The following ST8SIA1 variants were observed in gnomAD, a reference collection of about 807,000 sequenced individuals.
ST8SIA1 encodes ST8 alpha-N-acetyl-neuraminide alpha-2,8-sialyltransferase 1, also known as alpha-N-acetylneuraminide alpha-2,8-sialyltransferase.
Under a neutral mutation model 35.9 loss-of-function variants are expected in ST8SIA1, and 16 were observed. The observed-to-expected ratio is 0.45, with a 90% confidence interval of 0.30 to 0.68. The LOEUF is 0.68. Ranked by LOEUF, ST8SIA1 falls within the 30% of genes least tolerant of loss-of-function variation. ST8SIA1 has a pLI of 0.09. For synonymous variants in ST8SIA1, 170 were observed against 169.6 expected, an observed-to-expected ratio of 1.00 and a Z score of -0.02; for missense variants, 383 against 453.6, an observed-to-expected ratio of 0.84 and a Z score of 1.41.
At chr12:22,250,150 A>G (rs901963377) in intron 3 of ST8SIA1, among the ~76,000 whole-genome samples, 8 of 152,154 alleles carry the variant, frequency 5.3e-5, no homozygotes, top group African/African-American at 1.7e-4. Flanking sequence ...CTTGGCCACC[A>G]TGTCTTATGA....
At chr12:22,270,396 T>C (rs1417052256) in intron 2 of ST8SIA1, among the ~76,000 whole-genome samples, 1 of 152,210 alleles carries the variant, frequency 6.6e-6, no homozygotes, top group African/African-American at 2.4e-5. Context: ...TGAGAAAATA[T>C]AACCAACCTA....
intron 1 of ST8SIA1, among the ~76,000 whole-genome samples, chr12:22,328,053 A>G (rs771547299): frequency 3.9e-5 from 6 of 152,196 alleles, no homozygotes; most frequent in Non-Finnish European, 7.3e-5. Flanking sequence ...CATTTAGTGG[A>G]CAGAGGCCAG....
intron 3 of ST8SIA1, among the ~76,000 whole-genome samples, chr12:22,254,790 C>T (rs1267980843): frequency 6.6e-6 from 1 of 152,196 alleles, no homozygotes; most frequent in African/African-American, 2.4e-5. Flanking sequence ...AAATTTACCC[C>T]TGCTCCTTTG....
intron 1 of ST8SIA1, among the ~76,000 whole-genome samples, chr12:22,301,002 C>T (rs2216231): frequency 0.12 from 18,954 of 151,984 alleles, 1,480 homozygotes; most frequent in South Asian, 0.31. Flanking sequence ...TGAGACACTC[C>T]TATCATTCTG....
intron 4 of ST8SIA1, among the ~76,000 whole-genome samples, chr12:22,219,871 G>C (rs746532905): frequency 6.6e-6 from 1 of 152,082 alleles, no homozygotes; most frequent in South Asian, 2.1e-4. Context: ...GACCCACATA[G>C]AGGAATCATT....
intron 1 of ST8SIA1, among the ~76,000 whole-genome samples, chr12:22,320,541 C>G (rs1186471353): frequency 1.3e-5 from 2 of 152,120 alleles, no homozygotes; most frequent in Non-Finnish European, 2.9e-5. Flanking sequence ...AATCTCCAAA[C>G]AAATCACCTG....
At chr12:22,254,315 C>T (rs1272914737) in intron 3 of ST8SIA1, among the ~76,000 whole-genome samples, 5 of 152,116 alleles carry the variant, frequency 3.3e-5, no homozygotes, top group Non-Finnish European at 4.4e-5. Flanking sequence ...TTGACTTTAG[C>T]TTCTTCTTAT....
chr12:22,218,122 G>A (rs1323715925), intron 4 of ST8SIA1, among the ~76,000 whole-genome samples: 8 of 151,962 alleles, frequency 5.3e-5, no homozygotes, highest in African/African-American at 1.7e-4. Flanking sequence ...CCAGGAGTTC[G>A]AGACCAGCCT....
chr12:22,330,112 T>C (rs1164339639), intron 1 of ST8SIA1, among the ~76,000 whole-genome samples: 1 of 152,220 alleles, frequency 6.6e-6, no homozygotes, highest in Non-Finnish European at 1.5e-5. Context: ...TGATCTTTGC[T>C]GTTCTCTCTG....
At chr12:22,233,176 G>A (rs1460729758) in intron 4 of ST8SIA1, among the ~76,000 whole-genome samples, 5 of 152,098 alleles carry the variant, frequency 3.3e-5, no homozygotes, top group Non-Finnish European at 7.4e-5. Context: ...TAGAATGCAG[G>A]GGTAAGTAGA....
chr12:22,197,175 T>C lies in ST8SIA1; in HGVS notation c.*4377A>G, dbSNP rs1864999217. On this transcript the variant is annotated 3_prime_UTR_variant, in exon 5 of 5. Transcript: ENST00000396037. ...CCTGACGTGTGCCCAATAAAAGTCA[T>C]ATAACCTGAGAGTCGACCTATACGA... The C allele has an allele frequency of 6.6e-6, 1 of 152,198 alleles. No homozygotes were observed. The highest frequency in any genetic ancestry group is 6.5e-5 in the Admixed American group (1 of 15,280). 9.4% of individuals were successfully genotyped at this position (152,198 alleles called of 1,614,324 possible). A position where few individuals can be genotyped will look rare whatever the true frequency, so the allele number is the denominator to read the frequency against.
intron 2 of ST8SIA1, among the ~76,000 whole-genome samples, chr12:22,261,318 TG>T (rs1865788599): frequency 6.6e-6 from 1 of 152,072 alleles, no homozygotes; most frequent in South Asian, 2.1e-4. Flanking sequence ...GTCTTTTTTT[TG>T]TATTTTTAGT....
intron 2 of ST8SIA1, among the ~76,000 whole-genome samples, chr12:22,284,848 T>A (rs1866079301): frequency 6.6e-6 from 1 of 152,232 alleles, no homozygotes; most frequent in South Asian, 2.1e-4. Flanking sequence ...GGAGGCTAGT[T>A]TATATTTCTT....
intron 1 of ST8SIA1, among the ~76,000 whole-genome samples, chr12:22,329,898 G>A (rs982707848): frequency 7.2e-5 from 11 of 152,250 alleles, no homozygotes; most frequent in African/African-American, 2.4e-4. Context: ...ACAGTGATGT[G>A]CCACCTCTGC....
intron 1 of ST8SIA1, among the ~76,000 whole-genome samples, chr12:22,330,222 C>T (rs1866743684): frequency 6.6e-6 from 1 of 152,194 alleles, no homozygotes; most frequent in African/African-American, 2.4e-5. Flanking sequence ...CCCGATTTCC[C>T]TCCCTTCAGT....
At chr12:22,314,451 C>T (rs1565594121) in intron 1 of ST8SIA1, among the ~76,000 whole-genome samples, 2 of 152,040 alleles carry the variant, frequency 1.3e-5, no homozygotes, top group Admixed American at 1.3e-4. Flanking sequence ...CAGTGCATAA[C>T]TGATAAAACC....
chr12:22,237,244 G>A (rs1011714634), intron 4 of ST8SIA1, among the ~76,000 whole-genome samples: 6 of 151,884 alleles, frequency 4.0e-5, no homozygotes, highest in African/African-American at 9.7e-5. Flanking sequence ...CACTATAGAC[G>A]CCATGTCTGG....
chr12:22,244,428 C>T (rs75008623), intron 4 of ST8SIA1, among the ~76,000 whole-genome samples: 1,749 of 152,122 alleles, frequency 0.011, 38 homozygotes, highest in African/African-American at 0.04. Context: ...ACATCTTTGT[C>T]CCTAGCCATA....
At position 22,255,384 on chromosome 12, in the gene ST8SIA1, G is replaced by A. The variant is rs1158256328; in HGVS notation, c.387C>T (p.Thr129=). ...NSTYSLFPQA[T]PFQLPLKKCA... ...ATTTCTTCAATGGCAGCTGGAATGG[G>A]GTTGCCTAGCAACAGAAAACAAGGC... Residue 129 remains threonine, a synonymous_variant, in exon 3 of 5, where the codon ACC becomes ACT. Coordinates refer to ENST00000396037, the MANE Select transcript of ST8SIA1 (RefSeq NM_003034.4). The A allele has an allele frequency of 1.9e-6, 3 of 1,613,880 alleles. No individual in the cohort carries two copies. The highest frequency in any genetic ancestry group is 1.7e-6 in the Non-Finnish European group (2 of 1,179,826).
Sources: gnomAD v4.1 joint callset for allele counts (sites outside exome capture counted in the v4.1 genomes callset) on GRCh38, gnomAD v4.1.1 for gene constraint, MANE v1.5 for transcripts, NCBI Gene and HGNC (gene_info 2026-07-23, HGNC 2026-07-21) for gene names.